Variants in HACD3 observed in about 807,000 individuals in gnomAD.
HACD3 encodes 3-hydroxyacyl-CoA dehydratase 3, also known as very-long-chain (3R)-3-hydroxyacyl-CoA dehydratase 3.
Under a neutral mutation model 55.2 loss-of-function variants are expected in HACD3, and 30 were observed. The ratio of observed to expected loss-of-function variants is 0.54; its 90% CI spans 0.41 to 0.74. The LOEUF (loss-of-function observed/expected upper bound fraction) is 0.74, where lower values mean the gene tolerates loss of function less well. Ranked by LOEUF, HACD3 falls within the 30% of genes least tolerant of loss-of-function variation. HACD3 has a pLI of 0.00. For synonymous variants in HACD3, 141 were observed against 151.7 expected, an observed-to-expected ratio of 0.93 and a Z score of 0.52; for missense variants, 363 against 440.1, an observed-to-expected ratio of 0.82 and a Z score of 1.57.
At chr15:65,575,804 A>G (rs554749642) in intron 10 of HACD3, among the ~76,000 whole-genome samples, 2 of 152,328 alleles carry the variant, frequency 1.3e-5, no homozygotes, top group East Asian at 3.9e-4. Context: ...TTTTAAACTC[A>G]CTGGGAGGCT....
chr15:65,573,471 G>C (rs140289600), intron 10 of HACD3, among the ~76,000 whole-genome samples: 3,616 of 152,154 alleles, frequency 0.024, 61 homozygotes, highest in Non-Finnish European at 0.032. Context: ...GGCTGGGCTT[G>C]GTGGCGCATG....
At chr15:65,572,388 C>T (rs1396827912) in intron 10 of HACD3, 22 bp downstream of exon 10, 9 of 1,538,526 alleles carry the variant, frequency 5.8e-6, no homozygotes, top group Non-Finnish European at 7.9e-6. Context: ...TTCTTTAATA[C>T]AGACTTTTTC....
intron 7 of HACD3, chr15:65,566,064 TCC>T (rs2072287892): frequency 6.6e-6 from 1 of 152,224 alleles, no homozygotes. Context: ...TCACCTTTGC[TCC>T]AGTTCACCTT....
intron 1 of HACD3, chr15:65,535,916 C>G (rs2071950193): frequency 2.2e-6 from 1 of 456,266 alleles, no homozygotes; most frequent in African/African-American, 2.0e-5. Flanking sequence ...TCTTGAACTC[C>G]TGGACTTAAG....
chr15:65,538,352 C>A (rs2071985151), intron 1 of HACD3, among the ~76,000 whole-genome samples: 1 of 151,990 alleles, frequency 6.6e-6, no homozygotes, highest in Non-Finnish European at 1.5e-5. Flanking sequence ...GGAATTCAAC[C>A]CTCATGGATG....
chr15:65,538,263 A>G (rs1290737974), intron 1 of HACD3, among the ~76,000 whole-genome samples: 1 of 152,164 alleles, frequency 6.6e-6, no homozygotes, highest in African/African-American at 2.4e-5. Flanking sequence ...AGGATTCACC[A>G]TTCTAGATAC....
In HACD3 at chr15:65,530,507, GC is replaced by G. The variant is rs1401277518; in HGVS notation, c.-123del. The G allele has an allele frequency of 4.5e-5, 36 of 805,472 alleles. No individual in the cohort carries two copies. Among genetic ancestry groups the G allele is most frequent in the Admixed American group, 7.1e-5 (2 of 28,178 alleles). 49.9% of individuals were successfully genotyped at this position (805,472 alleles called of 1,614,324 possible). A position where few individuals can be genotyped will look rare whatever the true frequency, so the allele number is the denominator to read the frequency against. ...CCGCGAGCGTGGGGTATCTCGAGGT[GC>G]CGGGTTGCAGGCGCTCAGGAGCGCT... On this transcript the variant is annotated 5_prime_UTR_variant, in exon 1 of 11. Transcript: ENST00000261875.
At chr15:65,537,947 AAAAAAAAAAAAATATATATATATATATAT>A (rs1166479531) in intron 1 of HACD3, among the ~76,000 whole-genome samples, 1,027 of 63,066 alleles carry the variant, frequency 0.016, 49 homozygotes, top group African/African-American at 0.056. Flanking sequence ...AAAAAAAAAA[AAAAAAAAAAAAATATATATATATATATAT>A]ATATATATAT....
rs776527645 is a variant in HACD3, at chr15:65,577,193, G to C, written c.*814G>C. The C allele has an allele frequency of 6.6e-6, 1 of 152,224 alleles. No individual in the cohort carries two copies. The highest frequency in any genetic ancestry group is 2.4e-5 in the African/African-American group (1 of 41,434). 9.4% of individuals were successfully genotyped at this position (152,224 alleles called of 1,614,324 possible). A position where few individuals can be genotyped will look rare whatever the true frequency, so the allele number is the denominator to read the frequency against. On this transcript the variant is annotated 3_prime_UTR_variant, in exon 11 of 11. Transcript: ENST00000261875. ...TAATCCCAGCACTTTGGGACACCTA[G>C]GTGGGAGCATCGCTTGAAGCCAGGA...
intron 7 of HACD3, among the ~76,000 whole-genome samples, chr15:65,569,294 C>T (rs868711341): frequency 6.6e-6 from 1 of 151,468 alleles, no homozygotes; most frequent in Non-Finnish European, 1.5e-5. Flanking sequence ...GTCTCTGGCC[C>T]GTAACTCTGA....
intron 1 of HACD3, among the ~76,000 whole-genome samples, chr15:65,537,045 A>G (rs893312361): frequency 2.0e-5 from 3 of 152,200 alleles, no homozygotes; most frequent in Admixed American, 2.0e-4. Context: ...GATAGAATAT[A>G]AATCAGCCAC....
chr15:65,572,482 T>C (rs2072357627), intron 10 of HACD3, 116 bp downstream of exon 10: 1 of 1,251,176 alleles, frequency 8.0e-7, no homozygotes, highest in Non-Finnish European at 1.1e-6. Flanking sequence ...AATTAGAGAA[T>C]GATTACTTTG....
At chr15:65,532,455 A>G (rs991260723) in intron 1 of HACD3, among the ~76,000 whole-genome samples, 3 of 152,016 alleles carry the variant, frequency 2.0e-5, no homozygotes, top group Non-Finnish European at 4.4e-5. Flanking sequence ...GAGAAACCCC[A>G]TCTCTACTAA....
Position 65,556,984 on chromosome 15 carries a change from C to T in HACD3, c.369+81C>T, listed in dbSNP as rs990969423. On this transcript the variant is annotated intron_variant, in intron 4 of 10. Coordinates refer to ENST00000261875, the MANE Select transcript of HACD3 (RefSeq NM_016395.4). ...TATTCAGGCCACTTCAGATACCTCT[C>T]GGTCTGAAAGAATAGCTACAAAGTT... 1.5e-5 allele frequency: 20 copies of T among 1,326,246 alleles called. 1 individual carries two copies. The highest frequency in any genetic ancestry group is 2.0e-4 in the Middle Eastern group (1 of 5,088). 82.2% of individuals were successfully genotyped at this position (1,326,246 alleles called of 1,614,324 possible). A position where few individuals can be genotyped will look rare whatever the true frequency, so the allele number is the denominator to read the frequency against.
chr15:65,540,755 A>G (rs762956534), intron 1 of HACD3, among the ~76,000 whole-genome samples: 1 of 152,234 alleles, frequency 6.6e-6, no homozygotes, highest in Non-Finnish European at 1.5e-5. Flanking sequence ...AGTTTTAAGC[A>G]GAGAAGTGAC....
intron 5 of HACD3, among the ~76,000 whole-genome samples, chr15:65,562,493 G>C (rs1463726108): frequency 6.6e-6 from 1 of 152,014 alleles, no homozygotes; most frequent in Non-Finnish European, 1.5e-5. Context: ...TCACACCAGG[G>C]GTAATATTTT....
intron 1 of HACD3, among the ~76,000 whole-genome samples, chr15:65,548,797 C>T (rs918169141): frequency 1.3e-5 from 2 of 152,138 alleles, no homozygotes; most frequent in Non-Finnish European, 2.9e-5. Context: ...AACTCCTGGG[C>T]TCAAGTGATC....
At chr15:65,560,837 G>A (rs1321694752) in intron 5 of HACD3, among the ~76,000 whole-genome samples, 3 of 149,404 alleles carry the variant, frequency 2.0e-5, no homozygotes, top group African/African-American at 4.9e-5. Context: ...TTAGATACCA[G>A]CTTTATCCAT....
intron 7 of HACD3, among the ~76,000 whole-genome samples, chr15:65,567,390 T>C (rs887349397): frequency 6.6e-6 from 1 of 152,164 alleles, no homozygotes; most frequent in South Asian, 2.1e-4. Context: ...AAGAGAAAAT[T>C]AGTGAACTGT....
Sources: gnomAD v4.1 joint callset for allele counts (sites outside exome capture counted in the v4.1 genomes callset) on GRCh38, gnomAD v4.1.1 for gene constraint, MANE v1.5 for transcripts, NCBI Gene and HGNC (gene_info 2026-07-23, HGNC 2026-07-21) for gene names.